The following TP53I13 variants were observed in gnomAD, a reference collection of about 807,000 sequenced individuals.
The protein encoded by TP53I13 is tumor protein p53 inducible protein 13.
TP53I13 carries 27 observed loss-of-function variants against 39.1 expected under a neutral mutation model. That is an observed-to-expected ratio of 0.69 (90% CI 0.51 to 0.95). The LOEUF is 0.95. Ranked by LOEUF, TP53I13 falls within the 40% of genes least tolerant of loss-of-function variation. TP53I13 has a pLI of 0.00. For synonymous variants in TP53I13, 230 were observed against 224.6 expected (o/e 1.02, Z -0.22); for missense variants, 544 against 520.4 (o/e 1.05, Z -0.44).
chr17:29,571,815 C>A, intron 4 of TP53I13, 42 bp from the exon 5 acceptor site: 6 of 1,612,654 alleles, frequency 3.7e-6, no homozygotes, highest in Non-Finnish European at 5.1e-6. Flanking sequence ...TCTTGTTTGT[C>A]CCCACCTTCC....
chr17:29,577,353 C>T, downstream of TP53I13: 1 of 892,646 alleles, frequency 1.1e-6, no homozygotes, highest in Admixed American at 2.1e-5. Context: ...AATTTAACCC[C>T]AGCTAAAGCG....
At chr17:29,581,847 G>A in the TP53I13 span, 3 of 1,611,962 alleles carry the variant, frequency 1.9e-6, no homozygotes, top group Non-Finnish European at 2.5e-6. The surrounding 1 kb of genome is among the most constrained non-coding windows in gnomAD (Gnocchi z 4.8). Context: ...CTGTGAGGAG[G>A]GGGTATGGCT....
At chr17:29,574,980 T>A (rs751987502), downstream of TP53I13, 40 of 1,490,480 alleles carry the variant, frequency 2.7e-5, no homozygotes, top group South Asian at 4.8e-4. Context: ...AGGGCCCAGT[T>A]TGTCTGTGTC....
chr17:29,577,544 C>A (rs2033255367), downstream of TP53I13: 1 of 826,006 alleles, frequency 1.2e-6, no homozygotes, highest in Non-Finnish European at 2.1e-6. Context: ...GAGGCCCTGG[C>A]AAATGCTGGA....
chr17:29,572,771 C>T, intron 6 of TP53I13, 41 bp from the exon 7 acceptor site: 1 of 1,471,664 alleles, frequency 6.8e-7, no homozygotes, highest in Non-Finnish European at 9.2e-7. Flanking sequence ...CCGTAGCTTC[C>T]CTGCCCTCCC....
At chr17:29,580,929 G>A in the TP53I13 span, 139 of 223,528 alleles carry the variant, frequency 6.2e-4, no homozygotes, top group African/African-American at 2.7e-3. Flanking sequence ...ACAGGCATGC[G>A]CCACCACGCC....
downstream of TP53I13, chr17:29,573,945 G>C (rs1395232561): frequency 6.6e-6 from 1 of 152,534 alleles, no homozygotes; most frequent in Non-Finnish European, 1.5e-5. Flanking sequence ...GACAGTCCCT[G>C]GCTCCAGGTG....
chr17:29,575,946 C>G, downstream of TP53I13: 1 of 1,548,624 alleles, frequency 6.5e-7, no homozygotes, highest in Admixed American at 1.7e-5. This position sits in a 1 kb window ranked among gnomAD's most constrained non-coding sequence, Gnocchi z 5.5. Flanking sequence ...CCCACTGCCC[C>G]CCTGCTCACC....
Position 29,571,874 on chromosome 17 carries a change from A to G in TP53I13, c.330A>G (p.Ala110=). The G allele has an allele frequency of 6.2e-7, 1 of 1,613,154 alleles. No homozygotes were observed. The highest frequency in any genetic ancestry group is 8.5e-7 in the Non-Finnish European group (1 of 1,179,898). Residue 110 remains alanine (A), a synonymous_variant, in exon 5 of 7, where the codon GCA becomes GCG. Coordinates refer to ENST00000301057, the MANE Select transcript of TP53I13 (RefSeq NM_138349.4). The part of the protein sequence containing the change: ...LTQDRPLVLT[A]WGLALEMAWV... ...TCTCGTAGCCCCTGGTGCTGACTGC[A>G]TGGGGGCTGGCGCTGGAGATGGCCT...
At chr17:29,581,775 G>C in the TP53I13 span, 1 of 1,612,030 alleles carries the variant, frequency 6.2e-7, no homozygotes, top group Non-Finnish European at 8.5e-7. This position sits in a 1 kb window ranked among gnomAD's most constrained non-coding sequence, Gnocchi z 4.8. Context: ...AAGGCCAGCC[G>C]GTCAGTGAGC....
chr17:29,571,744 G>T (rs2032933414), intron 4 of TP53I13, 25 bp downstream of exon 4: 1 of 1,613,868 alleles, frequency 6.2e-7, no homozygotes, highest in Non-Finnish European at 8.5e-7. Flanking sequence ...AAAGGCGCTT[G>T]CCTGGCCCTG....
the TP53I13 span, chr17:29,578,763 A>G: frequency 6.2e-7 from 1 of 1,614,130 alleles, no homozygotes; most frequent in East Asian, 2.2e-5. Flanking sequence ...GCTTTGGCCA[A>G]TTCGGATAAG....
the TP53I13 span, chr17:29,581,154 G>C: frequency 1.6e-6 from 1 of 622,044 alleles, no homozygotes; most frequent in Non-Finnish European, 2.9e-6. The surrounding 1 kb of genome is among the most constrained non-coding windows in gnomAD (Gnocchi z 4.8). Flanking sequence ...GCCACATATG[G>C]AGCTGACATT....
At chr17:29,566,648 G>T (rs1363646764), upstream of TP53I13, 1 of 1,605,132 alleles carries the variant, frequency 6.2e-7, no homozygotes, top group Non-Finnish European at 8.5e-7. Flanking sequence ...CAGAGGGTCT[G>T]CAGGTGGGGC....
downstream of TP53I13, chr17:29,577,121 A>T: frequency 6.2e-7 from 1 of 1,611,564 alleles, no homozygotes; most frequent in Non-Finnish European, 8.5e-7. Flanking sequence ...ACACCCTCCC[A>T]CACAACCCTC....
the TP53I13 span, chr17:29,581,322 T>G: frequency 6.3e-7 from 1 of 1,599,736 alleles, no homozygotes; most frequent in Admixed American, 1.7e-5. The surrounding 1 kb of genome is among the most constrained non-coding windows in gnomAD (Gnocchi z 4.8). Flanking sequence ...GAAAGGGGCA[T>G]CAGGTGGGCA....
chr17:29,572,562 T>G lies in TP53I13; in HGVS notation c.934T>G (p.Trp312Gly). 6.3e-7 allele frequency: 1 copy of G among 1,598,968 alleles called. No homozygotes were observed. ...CACCCCACGCACTGAAGAGGCCGCC[T>G]GGGCTGCCATGGCCCTGACCTTCCT... ...GPTPRTEEAA[W>G]AAMALTFLLV... The change falls in exon 6 of 7, where the codon TGG becomes GGG. Residue 312 changes from tryptophan (W) to glycine (G), a missense_variant. Trp to Gly is a radical substitution (Grantham distance 184). Transcript: ENST00000301057.
Position 29,569,090 on chromosome 17 carries a change from G to A in TP53I13, c.141+4G>A, listed in dbSNP as rs766998551. The A allele has an allele frequency of 6.3e-7, 1 of 1,588,742 alleles. No individual in the cohort carries two copies. Among genetic ancestry groups the A allele is most frequent in the South Asian group, 1.1e-5 (1 of 87,712 alleles). ...CCTGTGGCCTCTGCCTCCGCAGGTAGGAGCCCTGGAGGGCCCAGGGAGAGA... is the reference window on the plus strand; with the variant it reads ...CCTGTGGCCTCTGCCTCCGCAGGTAAGAGCCCTGGAGGGCCCAGGGAGAGA... On this transcript the variant is annotated splice_donor_region_variant and intron_variant, in intron 2 of 6. Transcript: ENST00000301057.
chr17:29,580,460 A>C, the TP53I13 span, among the ~76,000 whole-genome samples: 1 of 152,202 alleles, frequency 6.6e-6, no homozygotes, highest in Non-Finnish European at 1.5e-5. Flanking sequence ...ACAGCCTGGC[A>C]TGAGGACATG....
Sources: gnomAD v4.1 joint callset for allele counts (sites outside exome capture counted in the v4.1 genomes callset) on GRCh38, gnomAD v4.1.1 for gene constraint, Gnocchi (gnomAD v3.1) non-coding constraint, MANE v1.5 for transcripts, NCBI Gene and HGNC (gene_info 2026-07-23, HGNC 2026-07-21) for gene names.